Variants in CLYBL observed in about 807,000 individuals in gnomAD.
CLYBL encodes the protein citramalyl-CoA lyase, mitochondrial.
In CLYBL, 31 loss-of-function variants were observed where a neutral mutation model predicts 38.9. That is an observed-to-expected ratio of 0.80 (90% CI 0.60 to 1.08). The LOEUF (loss-of-function observed/expected upper bound fraction) is 1.08. CLYBL is among the 50% of genes least tolerant of loss of function. The probability of loss-of-function intolerance (pLI) is 0.00; values close to 1 mark genes in which losing one functional copy is unlikely to be tolerated. For missense variants in CLYBL, 434 were observed against 411.6 expected (o/e 1.05, Z -0.47); for synonymous variants, 171 against 158.6 (o/e 1.08, Z -0.59).
chr13:99,784,540 TA>T, intron 2 of CLYBL, among the ~76,000 whole-genome samples: 1 of 143,888 alleles, frequency 6.9e-6, no homozygotes, highest in Admixed American at 7.2e-5. Flanking sequence ...CTGCCACCTC[TA>T]CCTCCTGGGT....
At chr13:99,879,969 G>A (rs1395990068) in intron 7 of CLYBL, among the ~76,000 whole-genome samples, 1 of 151,280 alleles carries the variant, frequency 6.6e-6, no homozygotes, top group African/African-American at 2.4e-5. Flanking sequence ...TGACAGTGGT[G>A]TGGCCACAGT....
rs942483336 is a variant in CLYBL at position 99,882,884 on chromosome 13, G to A, written c.928-8434G>A. Among the ~76,000 whole-genome samples the A allele has an allele frequency of 9.9e-5, 15 of 152,050 alleles. 1 individual carries two copies. Among genetic ancestry groups the A allele is most frequent in the Non-Finnish European group, 1.8e-4 (12 of 67,976 alleles). ...AAGGAAACTGACATCCTTTCCCCTA[G>A]ATCTACCCTTCCCCTGGCGCCCAGA... On this transcript the variant is annotated intron_variant, in intron 7 of 8. Transcript: ENST00000339105.
At chr13:99,688,283 G>A (rs184673926) in intron 1 of CLYBL, among the ~76,000 whole-genome samples, 206 of 152,076 alleles carry the variant, frequency 1.4e-3, no homozygotes, top group African/African-American at 4.7e-3. Flanking sequence ...TTTAGGGGCC[G>A]TTTTAGGTTA....
At chr13:99,828,340 C>A (rs1312164816) in intron 2 of CLYBL, among the ~76,000 whole-genome samples, 1 of 152,170 alleles carries the variant, frequency 6.6e-6, no homozygotes, top group East Asian at 1.9e-4. Context: ...TGATGAAAGC[C>A]TGTGGGTTAG....
At chr13:99,872,708 CA>C (rs1422441240) in intron 7 of CLYBL, among the ~76,000 whole-genome samples, 1 of 152,162 alleles carries the variant, frequency 6.6e-6, no homozygotes, top group Non-Finnish European at 1.5e-5. Context: ...TGGGTAGCAT[CA>C]AAGGAGGGCA....
At chr13:99,655,589 G>A (rs1225041522) in intron 1 of CLYBL, among the ~76,000 whole-genome samples, 1 of 152,216 alleles carries the variant, frequency 6.6e-6, no homozygotes, top group Non-Finnish European at 1.5e-5. Flanking sequence ...GCCTGGGGTG[G>A]CGTCCTCTTT....
At chr13:99,827,455 A>T (rs746533207) in intron 2 of CLYBL, among the ~76,000 whole-genome samples, 6 of 152,196 alleles carry the variant, frequency 3.9e-5, no homozygotes, top group Admixed American at 2.6e-4. Flanking sequence ...CACACAAAAA[A>T]GTCCCCAGTC....
chr13:99,779,916 T>A (rs1014367936), intron 2 of CLYBL, among the ~76,000 whole-genome samples: 1 of 152,200 alleles, frequency 6.6e-6, no homozygotes, highest in Non-Finnish European at 1.5e-5. Context: ...ACATTAGCCA[T>A]TTTTTGTAAC....
rs565474063 is a variant in CLYBL, at chr13:99,903,678, A to G, written c.*25-1592A>G. On this transcript the variant is annotated intron_variant and NMD_transcript_variant, in intron 8 of 9. Coordinates refer to the CLYBL transcript ENST00000689673. Reference sequence around the variant, plus strand: ...AACACAACTTTTCTAAATTCGTAAGATCTGCCCAAAATACTCCGTGAGGTT... The same window carrying G: ...AACACAACTTTTCTAAATTCGTAAGGTCTGCCCAAAATACTCCGTGAGGTT... Among the ~76,000 whole-genome samples, 23 of 152,340 alleles carry G rather than the reference A, an allele frequency of 1.5e-4. 2 individuals carry two copies. Among genetic ancestry groups the G allele is most frequent in the Admixed American group, 4.6e-4 (7 of 15,298 alleles).
chr13:99,659,958 TTAA>T (rs976810466), intron 1 of CLYBL, among the ~76,000 whole-genome samples: 1 of 152,160 alleles, frequency 6.6e-6, no homozygotes, highest in Admixed American at 6.5e-5. Flanking sequence ...TTTAAAAAAC[TTAA>T]TAATAAGGCC....
At position 99,833,871 on chromosome 13, in the gene CLYBL, T is replaced by G. The variant is rs534899500; in HGVS notation, c.250-24990T>G. On this transcript the variant is annotated intron_variant, in intron 2 of 8. Transcript: ENST00000339105. ...CACACACCACCACACCCAGCTAATT[T>G]TTGAATTTTTAGTAGAGATGGGGTT... 2.3e-3 allele frequency among the ~76,000 whole-genome samples: 355 copies of G among 151,712 alleles called. 2 individuals carry two copies. The highest frequency in any genetic ancestry group is 6.5e-3 in the South Asian group (31 of 4,752).
intron 1 of CLYBL, among the ~76,000 whole-genome samples, chr13:99,654,417 C>T (rs2047298887): frequency 6.6e-6 from 1 of 152,138 alleles, no homozygotes; most frequent in East Asian, 1.9e-4. Context: ...CTCGTGTCCT[C>T]CTCCGTACCC....
rs1283526295 is a variant in CLYBL, at chr13:99,880,066, A to ATTTTTT, written c.927+9005_927+9006insTTTTTT. Among the ~76,000 whole-genome samples, 85 of 60,740 alleles carry ATTTTTT rather than the reference A, an allele frequency of 1.4e-3. 1 individual carries two copies. The highest frequency in any genetic ancestry group is 7.1e-3 in the Middle Eastern group (1 of 140). 39.8% of individuals were successfully genotyped at this position (60,740 alleles called of 152,430 possible). Reference sequence around the variant, plus strand: ...TGTGTGTATGTATATATATATATATATATTTTTTTTTTTTTTTTTGAGACA... The same window carrying ATTTTTT: ...TGTGTGTATGTATATATATATATATATTTTTTTATTTTTTTTTTTTTTTTTGAGACA... On this transcript the variant is annotated intron_variant, in intron 7 of 8. Transcript: ENST00000339105.
chr13:99,710,154 T>C (rs973526660), intron 1 of CLYBL, among the ~76,000 whole-genome samples: 3 of 152,110 alleles, frequency 2.0e-5, no homozygotes, highest in East Asian at 1.9e-4. Context: ...CCTCGTGATC[T>C]GCCCGCCTCG....
chr13:99,692,286 G>GTTTTTTTTTTTTT (rs71215539), intron 1 of CLYBL, among the ~76,000 whole-genome samples: 1 of 115,878 alleles, frequency 8.6e-6, no homozygotes. Flanking sequence ...TGTTTTTTTT[G>GTTTTTTTTTTTTT]TTTTTTTTTT....
chr13:99,848,876 C>T (rs1441865100), intron 2 of CLYBL, among the ~76,000 whole-genome samples: 1 of 152,156 alleles, frequency 6.6e-6, no homozygotes, highest in Non-Finnish European at 1.5e-5. Context: ...CCGTGGCTCA[C>T]GCCGAAAATC....
At position 99,676,245 on chromosome 13, in the gene CLYBL, CCTTT is replaced by C. The variant is rs1283406737; in HGVS notation, c.62+69493_62+69496del. 4.1e-5 allele frequency among the ~76,000 whole-genome samples: 6 copies of C among 147,242 alleles called. No homozygotes were observed. The East Asian group carries it at 1.0e-3, about 26-fold the overall frequency. On this transcript the variant is annotated intron_variant, in intron 1 of 8. Transcript: ENST00000339105. ...CCTTCCTTCCTTCCTTCCTTTCCTC[CCTTT>C]CTTTTTCTTTTTCTATTTCTCTTTC... is the stretch of plus-strand genomic sequence containing the variant.
At chr13:99,724,722 G>A (rs556440247) in intron 1 of CLYBL, among the ~76,000 whole-genome samples, 28 of 152,182 alleles carry the variant, frequency 1.8e-4, no homozygotes, top group Admixed American at 1.8e-3. Context: ...AGACGCAAAG[G>A]CCATTGCAGC....
intron 7 of CLYBL, among the ~76,000 whole-genome samples, chr13:99,878,195 G>A (rs1321127072): frequency 6.6e-6 from 1 of 152,094 alleles, no homozygotes; most frequent in African/African-American, 2.4e-5. Flanking sequence ...CTGCCTTCTA[G>A]AAAAATTGAA....
Sources: allele counts gnomAD v4.1 joint callset (sites outside exome capture counted in the v4.1 genomes callset), GRCh38; gene constraint gnomAD v4.1.1; transcripts MANE v1.5; gene names NCBI Gene and HGNC (gene_info 2026-07-23, HGNC 2026-07-21).